Variants in VWA5B1 observed in about 807,000 individuals in gnomAD.
VWA5B1 encodes the protein von Willebrand factor A domain containing 5B1, also known as von Willebrand factor A domain-containing protein 5B1.
VWA5B1 carries 115 observed loss-of-function variants against 118.2 expected under a neutral mutation model. The ratio of observed to expected loss-of-function variants is 0.97; its 90% CI spans 0.84 to 1.14. VWA5B1 has a LOEUF of 1.14. VWA5B1 is among the 50% of genes most tolerant of loss of function. The pLI is 0.00. For missense variants in VWA5B1, 1,596 were observed against 1,603.8 expected, an observed-to-expected ratio of 1.00 and a Z score of 0.08; for synonymous variants, 682 against 658.4, an observed-to-expected ratio of 1.04 and a Z score of -0.55.
At chr1:20,307,556 C>A (rs11577734) in intron 1 of VWA5B1, among the ~76,000 whole-genome samples, 34,680 of 152,166 alleles carry the variant, frequency 0.23, 4,493 homozygotes, top group East Asian at 0.4. Context: ...AATATATGTG[C>A]CTGGCACATT....
Position 20,330,284 on chromosome 1 carries a change from C to T in VWA5B1, c.1359C>T (p.His453=), listed in dbSNP as rs2089507833. Residue 453 remains histidine, a synonymous_variant, in exon 10 of 22, where the codon CAC becomes CAT. Coordinates refer to ENST00000289815, the MANE Select transcript of VWA5B1 (RefSeq NM_001039500.3). ...AGTGGGTCATCAGGCAGCCAGTGCA[C>T]CGAGGCCACCCGCGGCTCCTCTTCG... The part of the protein sequence containing the change: ...PLKWVIRQPV[H]RGHPRLLFVI... 2 of 1,551,796 alleles carry T rather than the reference C, an allele frequency of 1.3e-6. No individual in the cohort carries two copies. Among genetic ancestry groups the T allele is most frequent in the Admixed American group, 3.9e-5 (2 of 51,008 alleles).
intron 21 of VWA5B1, among the ~76,000 whole-genome samples, chr1:20,352,988 G>A (rs1395129861): frequency 6.6e-6 from 1 of 152,166 alleles, no homozygotes; most frequent in African/African-American, 2.4e-5. Flanking sequence ...CTTGGGAGTG[G>A]CAATGGGAGA....
rs2089610200 is a variant in VWA5B1, at chr1:20,332,857, C to T, written c.1664C>T (p.Ser555Leu). The change falls in exon 12 of 22, where the codon TCA becomes TTA. Residue 555 changes from serine to leucine, a missense_variant. Coordinates refer to ENST00000289815, the MANE Select transcript of VWA5B1 (RefSeq NM_001039500.3). ...IFPETTEVLV[S>L]PVSASSLFPG... is the part of the protein sequence containing the mutation. ...CCTGAGACCACTGAGGTCCTGGTCT[C>T]ACCCGTCAGCGCCAGCTCCCTCTTC... is the stretch of plus-strand genomic sequence containing the variant. The T allele has an allele frequency of 6.4e-7, 1 of 1,551,740 alleles. No individual in the cohort carries two copies. Among genetic ancestry groups the T allele is most frequent in the African/African-American group, 1.4e-5 (1 of 73,064 alleles).
chr1:20,299,481 G>T lies in VWA5B1; in HGVS notation c.-27+8393G>T, dbSNP rs999831721. Among the ~76,000 whole-genome samples the T allele has an allele frequency of 2.0e-5, 3 of 152,188 alleles. No homozygotes were observed. In the East Asian group the frequency reaches 5.8e-4, roughly 29 times the overall value. On this transcript the variant is annotated intron_variant, in intron 1 of 21. Transcript: ENST00000289815. ...TGCAGTAGTGCGATCTTAGCTCACC[G>T]CAAGCTCCACTTCCCAGGTTCAAGC...
intron 1 of VWA5B1, 117 bp from the exon 2 acceptor site, chr1:20,310,459 T>G: frequency 6.8e-6 from 7 of 1,034,640 alleles, no homozygotes; most frequent in South Asian, 2.2e-5. Flanking sequence ...GGGAAGTTCT[T>G]GGGGAAAATG....
At chr1:20,306,071 A>C (rs549246027) in intron 1 of VWA5B1, among the ~76,000 whole-genome samples, 1 of 152,298 alleles carries the variant, frequency 6.6e-6, no homozygotes, top group East Asian at 1.9e-4. Flanking sequence ...AGGCAGATGA[A>C]AAGCAATAAA....
chr1:20,322,654 T>G (rs1167044033), intron 7 of VWA5B1, among the ~76,000 whole-genome samples: 2 of 152,158 alleles, frequency 1.3e-5, no homozygotes, highest in Non-Finnish European at 2.9e-5. Context: ...TGCCTGGGCC[T>G]CCAGGACCAA....
chr1:20,328,037 G>A, intron 9 of VWA5B1, 37 bp downstream of exon 9: 3 of 1,530,388 alleles, frequency 2.0e-6, no homozygotes, highest in Non-Finnish European at 2.7e-6. Context: ...GGAGGGTGGT[G>A]CATGGTGGGG....
chr1:20,317,537 A>G lies in VWA5B1; in HGVS notation c.571A>G (p.Arg191Gly). 6.4e-7 allele frequency: 1 copy of G among 1,551,532 alleles called. No individual in the cohort carries two copies. The highest frequency in any genetic ancestry group is 8.7e-7 in the Non-Finnish European group (1 of 1,146,934). ...CCCCCGGCCCTTTTCCAGCAAAGAC[A>G]GGCACTGCTTCGGTGCCTGGGCCCC... ...TSNQQAQGKDRHCFGAWAPGS... is the reference protein window; with the variant it reads ...TSNQQAQGKDGHCFGAWAPGS... The change falls in exon 5 of 22, where the codon AGG (arginine) becomes GGG (glycine). Residue 191 changes from arginine (R) to glycine (G), a missense_variant. Arg to Gly is a moderately radical substitution (Grantham distance 125). Transcript: ENST00000289815.
chr1:20,310,781 C>T (rs1389712894), intron 2 of VWA5B1, 41 bp downstream of exon 2: 1 of 1,488,916 alleles, frequency 6.7e-7, no homozygotes, highest in Non-Finnish European at 8.9e-7. Flanking sequence ...CCACCCCCTC[C>T]TCCACAGTGA....
chr1:20,317,691 C>G lies in VWA5B1; in HGVS notation c.709+16C>G, dbSNP rs1252346824. On this transcript the variant is annotated intron_variant, in intron 5 of 21. Coordinates refer to ENST00000289815, the MANE Select transcript of VWA5B1 (RefSeq NM_001039500.3). ...CTGCTCGCAGGTGAGAGGGAGACAT[C>G]CAGACGGGATGGGTGAGCTTCAGGC... is the stretch of plus-strand genomic sequence containing the variant. 1.5e-5 allele frequency: 23 copies of G among 1,546,764 alleles called. No individual in the cohort carries two copies. The highest frequency in any genetic ancestry group is 1.8e-5 in the Non-Finnish European group (21 of 1,144,486).
Position 20,312,893 on chromosome 1 carries a change from T to C in VWA5B1, c.197T>C (p.Ile66Thr), listed in dbSNP as rs1557837008. ...ACGGTGATCGGCTTTGAGGCAGTCA[T>C]TGCCGACCGTGTCGTGACAGTACAG... is the stretch of plus-strand genomic sequence containing the variant. ...CTTVIGFEAV[I>T]ADRVVTVQIK... Residue 66 changes from isoleucine to threonine, a missense_variant, in exon 3 of 22, where the codon ATT becomes ACT. Ile to Thr is a moderately conservative substitution (Grantham distance 89, BLOSUM62 -1). Coordinates refer to ENST00000289815, the MANE Select transcript of VWA5B1 (RefSeq NM_001039500.3). The C allele has an allele frequency of 6.4e-7, 1 of 1,551,570 alleles. No homozygotes were observed. Among genetic ancestry groups the C allele is most frequent in the Non-Finnish European group, 8.7e-7 (1 of 1,146,992 alleles).
chr1:20,294,799 G>A (rs1297285817), intron 1 of VWA5B1, among the ~76,000 whole-genome samples: 1 of 152,130 alleles, frequency 6.6e-6, no homozygotes, highest in Non-Finnish European at 1.5e-5. Context: ...ATGTTGGTCT[G>A]GCTGGTCTCA....
chr1:20,298,821 C>T (rs2088454124), intron 1 of VWA5B1, among the ~76,000 whole-genome samples: 1 of 152,142 alleles, frequency 6.6e-6, no homozygotes, highest in Admixed American at 6.5e-5. Context: ...GTGTTGCTGA[C>T]AACCCTGTGT....
Position 20,310,567 on chromosome 1 carries a change from GTC to G in VWA5B1, c.-26-6_-26-5del. 6.7e-7 allele frequency: 1 copy of G among 1,490,304 alleles called. No homozygotes were observed. Among genetic ancestry groups the G allele is most frequent in the Middle Eastern group, 1.8e-4 (1 of 5,700 alleles). The allele number at this position is 1,490,304 out of a possible 1,614,324, so 92.3% of individuals were successfully genotyped here. ...TCTTCCCACTTCCTGCCCTTCCTGT[GTC>G]TCACAGGTTCTGAAGGCTGAGTAGC... On this transcript the variant is annotated splice_polypyrimidine_tract_variant and splice_region_variant and intron_variant, in intron 1 of 21. Coordinates refer to ENST00000289815, the MANE Select transcript of VWA5B1 (RefSeq NM_001039500.3).
chr1:20,345,691 G>T, intron 17 of VWA5B1, 98 bp downstream of exon 17: 1 of 1,433,398 alleles, frequency 7.0e-7, no homozygotes, highest in Admixed American at 3.0e-5. Context: ...GACCAGCAGG[G>T]AGCGGGGTGA....
At chr1:20,318,383 A>G (rs1199178962) in intron 5 of VWA5B1, 13 of 684,130 alleles carry the variant, frequency 1.9e-5, no homozygotes, top group Non-Finnish European at 3.0e-5. Context: ...CAGAGCAGGA[A>G]GAGTCATCAG....
intron 5 of VWA5B1, 76 bp downstream of exon 5, chr1:20,317,751 T>G (rs1570110113): frequency 6.5e-5 from 38 of 584,380 alleles, no homozygotes; most frequent in Admixed American, 1.8e-4. Flanking sequence ...GGGACGGGGG[T>G]GGGAAGGAAA....
rs201466263 is a variant in VWA5B1 at position 20,318,621 on chromosome 1, C to T, written c.741C>T (p.Ala247=). 1.0e-3 allele frequency: 1,578 copies of T among 1,551,046 alleles called. 1 individual carries two copies. Among genetic ancestry groups the T allele is most frequent in the Non-Finnish European group, 1.2e-3 (1,343 of 1,146,790 alleles). Residue 247 remains alanine, a synonymous_variant, in exon 6 of 22, where the codon GCC becomes GCT. Coordinates refer to ENST00000289815, the MANE Select transcript of VWA5B1 (RefSeq NM_001039500.3). ...AGAGTCCCACTCATGAGATTCGTGC[C>T]GACGCCGCCCCATCTGCCCGCTCGG... ...GVESPTHEIR[A]DAAPSARSAK...
Sources: allele counts gnomAD v4.1 joint callset (sites outside exome capture counted in the v4.1 genomes callset), GRCh38; gene constraint gnomAD v4.1.1; transcripts MANE v1.5; gene names NCBI Gene and HGNC (gene_info 2026-07-23, HGNC 2026-07-21).